Variants in PDE6B observed in about 807,000 individuals in gnomAD.
The protein encoded by PDE6B is rod cGMP-specific 3',5'-cyclic phosphodiesterase subunit beta.
In PDE6B, 106 loss-of-function variants were observed where a neutral mutation model predicts 109.0. The ratio of observed to expected loss-of-function variants is 0.97; its 90% CI spans 0.83 to 1.14. PDE6B has a LOEUF of 1.14. Ranked by LOEUF, PDE6B falls within the 50% of genes most tolerant of loss-of-function variation. PDE6B has a pLI of 0.00. For synonymous variants in PDE6B, 490 were observed against 471.3 expected, an observed-to-expected ratio of 1.04 and a Z score of -0.51; for missense variants, 1,193 against 1,155.6, an observed-to-expected ratio of 1.03 and a Z score of -0.47.
rs372761934 is a variant in PDE6B, at chr4:663,185, G to A, written c.1918G>A (p.Glu640Lys). The A allele has an allele frequency of 9.4e-5, 149 of 1,579,190 alleles. No individual in the cohort carries two copies. Among genetic ancestry groups the A allele is most frequent in the Non-Finnish European group, 1.2e-4 (141 of 1,148,282 alleles). The change falls in exon 15 of 22, where the codon GAG becomes AAG. Residue 640 changes from glutamate (E) to lysine (K), a missense_variant and splice_region_variant. Transcript: ENST00000496514. The surrounding 1 kb of genome is among the most constrained non-coding windows in gnomAD (Gnocchi z 4.0). ...GTTTGGGAAGTTCCTGCTCTCGGAG[G>A]AGGTTGGTATACTCACCCTCGGTTT... The part of the protein sequence containing the change: ...LEFGKFLLSE[E>K]TLNIYQNLNR...
At chr4:664,831 C>A in intron 17 of PDE6B, 50 bp from the exon 18 acceptor site, 2 of 1,427,596 alleles carry the variant, frequency 1.4e-6, no homozygotes, top group Non-Finnish European at 2.0e-6. Context: ...TATAAACCAC[C>A]TGCCCTCAGG....
At position 664,209 on chromosome 4, in the gene PDE6B, A is replaced by G. The variant is rs768325431; in HGVS notation, c.2117A>G (p.Lys706Arg). The change falls in exon 17 of 22, where the codon AAG becomes AGG. Residue 706 changes from lysine to arginine, a missense_variant. Lys to Arg is a conservative substitution (Grantham distance 26). Transcript: ENST00000496514. ...TACCTGTCCCTGGAGACGACCCGGA[A>G]GGAGATCGTCATGTGAGCGCGGGCG... ...VEYLSLETTR[K>R]EIVMAMMMTA... The G allele has an allele frequency of 1.3e-6, 2 of 1,596,804 alleles. No homozygotes were observed. The highest frequency in any genetic ancestry group is 3.3e-5 in the Admixed American group (2 of 59,994).
At chr4:664,983 T>C (rs1737622104) in intron 18 of PDE6B, 39 bp downstream of exon 18, 2 of 1,494,726 alleles carry the variant, frequency 1.3e-6, no homozygotes, top group Non-Finnish European at 1.9e-6. Flanking sequence ...AGTCAGTGCC[T>C]CTCAGCACAT....
At chr4:630,380 C>T (rs578071574) in intron 1 of PDE6B, among the ~76,000 whole-genome samples, 6 of 152,156 alleles carry the variant, frequency 3.9e-5, no homozygotes, top group South Asian at 2.1e-4. Flanking sequence ...GGCTGTGGCC[C>T]GGCTGGTACC....
chr4:654,187 C>T (rs1735900447), intron 5 of PDE6B, 33 bp downstream of exon 5: 3 of 1,571,550 alleles, frequency 1.9e-6, no homozygotes, highest in Non-Finnish European at 2.6e-6. Flanking sequence ...AGGGCCTGTC[C>T]ACACGCCTCT....
At position 664,908 on chromosome 4, in the gene PDE6B, G is replaced by A. The variant is rs1323787257; in HGVS notation, c.2157G>A (p.Leu719=). 6.2e-7 allele frequency: 1 copy of A among 1,613,272 alleles called. No individual in the cohort carries two copies. The highest frequency in any genetic ancestry group is 1.3e-5 in the African/African-American group (1 of 74,952). The change falls in exon 18 of 22, where the codon CTG becomes CTA. Residue 719 remains leucine (L), a synonymous_variant. Transcript: ENST00000496514. ...CCATGATGATGACAGCCTGCGACCT[G>A]TCTGCCATCACCAAGCCCTGGGAAG... ...VMAMMMTACD[L]SAITKPWEVQ...
intron 1 of PDE6B, among the ~76,000 whole-genome samples, chr4:631,957 C>G (rs912433529): frequency 3.3e-5 from 5 of 151,958 alleles, no homozygotes; most frequent in African/African-American, 1.2e-4. Flanking sequence ...AACTGTGTGG[C>G]ACCATCTGCT....
Position 666,703 on chromosome 4 carries a change from A to G in PDE6B, c.2352+89A>G. The stretch of plus-strand genomic sequence containing the variant: ...GCGGGCTGGAGTCGCGTGGACTCAC[A>G]CGGGCCCGGCGGTGTCCTCACTGGA... On this transcript the variant is annotated intron_variant, in intron 20 of 21. Transcript: ENST00000496514. The surrounding 1 kb of genome is among the most constrained non-coding windows in gnomAD (Gnocchi z 5.6). 3 of 854,236 alleles carry G rather than the reference A, an allele frequency of 3.5e-6. No homozygotes were observed. Among genetic ancestry groups the G allele is most frequent in the East Asian group, 2.5e-5 (1 of 40,196 alleles). The allele number at this position is 854,236 out of a possible 1,614,324, so 52.9% of individuals were successfully genotyped here.
At chr4:660,971 G>T in intron 12 of PDE6B, among the ~76,000 whole-genome samples, 1 of 150,896 alleles carries the variant, frequency 6.6e-6, no homozygotes, top group Non-Finnish European at 1.5e-5. Context: ...AATGGTAGTT[G>T]GATAGTTGGA....
At chr4:658,617 C>G (rs1736660741) in intron 10 of PDE6B, among the ~76,000 whole-genome samples, 1 of 152,090 alleles carries the variant, frequency 6.6e-6, no homozygotes, top group South Asian at 2.1e-4. Context: ...CCCCCGAGGT[C>G]CCTCTGTCTG....
intron 3 of PDE6B, among the ~76,000 whole-genome samples, chr4:637,944 G>T (rs924354475): frequency 6.6e-6 from 1 of 152,166 alleles, no homozygotes; most frequent in Admixed American, 6.5e-5. Context: ...GGGAATAGCC[G>T]CGTCAGGACT....
chr4:662,219 A>G lies in PDE6B; in HGVS notation c.1700A>G (p.Gln567Arg). ...HNWRHGFNVAQTMFTLLMTGK... is the reference protein window; with the variant it reads ...HNWRHGFNVARTMFTLLMTGK... ...TGGCGCCACGGCTTCAACGTGGCCC[A>G]GACGATGTTCACGCTGCTCATGGTA... Residue 567 changes from glutamine to arginine, a missense_variant, in exon 13 of 22, where the codon CAG becomes CGG. Transcript: ENST00000496514. This position sits in a 1 kb window ranked among gnomAD's most constrained non-coding sequence, Gnocchi z 4.3. 1 of 1,568,332 alleles carries G rather than the reference A, an allele frequency of 6.4e-7. No individual in the cohort carries two copies. Among genetic ancestry groups the G allele is most frequent in the Non-Finnish European group, 8.7e-7 (1 of 1,154,332 alleles).
chr4:627,429 A>G (rs1734166557), intron 1 of PDE6B, among the ~76,000 whole-genome samples: 1 of 152,084 alleles, frequency 6.6e-6, no homozygotes, highest in South Asian at 2.1e-4. Context: ...AACAGGCGTG[A>G]GCCACCGCAC....
chr4:659,162 T>G (rs920550979), intron 11 of PDE6B, 145 bp downstream of exon 11: 9 of 705,558 alleles, frequency 1.3e-5, no homozygotes, highest in Non-Finnish European at 2.3e-5. Context: ...CTTGTGTATC[T>G]AAGCACCTTA....
At chr4:668,691 C>T (rs1179431380) in intron 21 of PDE6B, among the ~76,000 whole-genome samples, 3 of 118,882 alleles carry the variant, frequency 2.5e-5, no homozygotes, top group African/African-American at 3.9e-5. Flanking sequence ...ATGCTATTCC[C>T]GCTATGCCAT....
Position 657,368 on chromosome 4 carries a change from G to C in PDE6B, c.1275G>C (p.Leu425=). 1 of 1,613,120 alleles carries C rather than the reference G, an allele frequency of 6.2e-7. No homozygotes were observed. Among genetic ancestry groups the C allele is most frequent in the South Asian group, 1.1e-5 (1 of 91,086 alleles). Residue 425 remains leucine (L), a synonymous_variant, in exon 10 of 22, where the codon CTG becomes CTC. Transcript: ENST00000496514. Reference sequence around the variant, plus strand: ...CCCTCCAGTCCCTGACACAGTTCCTGGGCTGGTCAGTGATGAACACCGACA... The same window carrying C: ...CCCTCCAGTCCCTGACACAGTTCCTCGGCTGGTCAGTGATGAACACCGACA... The part of the protein sequence containing the change: ...EVLMESLTQF[L]GWSVMNTDTY...
At chr4:661,504 C>T (rs1464134887) in intron 12 of PDE6B, 1 of 153,894 alleles carries the variant, frequency 6.5e-6, no homozygotes, top group Non-Finnish European at 1.4e-5. Context: ...GGAAGAGAAT[C>T]CTCTTTTCTC....
intron 3 of PDE6B, among the ~76,000 whole-genome samples, chr4:643,011 G>C (rs1735019718): frequency 6.6e-6 from 1 of 151,904 alleles, no homozygotes; most frequent in Non-Finnish European, 1.5e-5. Flanking sequence ...GTTTTGTTAA[G>C]AATTTTGGCA....
chr4:645,358 C>T (rs1441138891), intron 3 of PDE6B, among the ~76,000 whole-genome samples: 4 of 146,262 alleles, frequency 2.7e-5, no homozygotes, highest in East Asian at 2.0e-4. Flanking sequence ...TGCAGTGGCG[C>T]GATCTCGGCT....
Sources: gnomAD v4.1 joint callset for allele counts (sites outside exome capture counted in the v4.1 genomes callset) on GRCh38, gnomAD v4.1.1 for gene constraint, Gnocchi (gnomAD v3.1) non-coding constraint, MANE v1.5 for transcripts, NCBI Gene and HGNC (gene_info 2026-07-23, HGNC 2026-07-21) for gene names.